The following RNF13 variants were observed in gnomAD, a reference collection of about 807,000 sequenced individuals.
RNF13 encodes the protein E3 ubiquitin-protein ligase RNF13.
A neutral mutation model predicts 37.7 loss-of-function variants in RNF13; 19 were observed. That is an observed-to-expected ratio of 0.50 (90% confidence interval 0.35 to 0.74). RNF13 has a LOEUF of 0.74. RNF13 is among the 30% of genes least tolerant of loss of function. The probability of loss-of-function intolerance (pLI) is 0.01; values close to 1 mark genes in which losing one functional copy is unlikely to be tolerated. For missense variants in RNF13, 375 were observed against 453.0 expected (o/e 0.83, Z 1.56); for synonymous variants, 144 against 157.8 (o/e 0.91, Z 0.65).
Position 149,960,921 on chromosome 3 carries a change from G to A in RNF13, c.963G>A (p.Gln321=), listed in dbSNP as rs534190355. ...LLRPLASVSA[Q]SFGALSESRS... ...GACCTTTAGCTTCTGTCAGTGCCCA[G>A]TCATTTGGGGCTTTATCGGAATCCC... Residue 321 remains glutamine (Q), a synonymous_variant, in exon 10 of 10, where the codon CAG becomes CAA. Coordinates refer to ENST00000392894, the MANE Select transcript of RNF13 (RefSeq NM_183381.3). The A allele has an allele frequency of 6.2e-7, 1 of 1,614,190 alleles. No homozygotes were observed. Among genetic ancestry groups the A allele is most frequent in the African/African-American group, 1.3e-5 (1 of 75,064 alleles).
chr3:149,911,870 T>C (rs1576525617), intron 6 of RNF13, 108 bp from the exon 7 acceptor site: 5 of 660,800 alleles, frequency 7.6e-6, no homozygotes, highest in Non-Finnish European at 1.3e-5. Context: ...GTGGATTTAA[T>C]TGTAATGTCT....
chr3:149,895,518 A>G lies in RNF13; in HGVS notation c.367A>G (p.Asn123Asp), dbSNP rs777229366. Residue 123 changes from asparagine to aspartate, a missense_variant, in exon 5 of 10, where the codon AAT (asparagine) becomes GAT (aspartate). Asn to Asp is a conservative substitution (Grantham distance 23, BLOSUM62 1). Coordinates refer to ENST00000392894, the MANE Select transcript of RNF13 (RefSeq NM_183381.3). ...AGGATACAAGGCAGCCATAGTTCACAATGTTGATTCTGATGACCTCATTAG... is the reference window on the plus strand; with the variant it reads ...AGGATACAAGGCAGCCATAGTTCACGATGTTGATTCTGATGACCTCATTAG... ...RAGYKAAIVH[N>D]VDSDDLISMG... The G allele has an allele frequency of 1.9e-6, 3 of 1,609,500 alleles. No individual in the cohort carries two copies. The highest frequency in any genetic ancestry group is 1.7e-6 in the Non-Finnish European group (2 of 1,177,862).
At chr3:149,899,256 G>A (rs1337389453) in intron 5 of RNF13, among the ~76,000 whole-genome samples, 1 of 152,136 alleles carries the variant, frequency 6.6e-6, no homozygotes, top group East Asian at 1.9e-4. Flanking sequence ...GACCAACCTT[G>A]GCAACATTGT....
intron 8 of RNF13, among the ~76,000 whole-genome samples, chr3:149,958,978 A>T (rs1383660986): frequency 6.6e-6 from 1 of 152,226 alleles, no homozygotes; most frequent in East Asian, 1.9e-4. Flanking sequence ...TTGTTTCAGA[A>T]GAACTATCAG....
At chr3:149,898,135 C>T (rs9870424) in intron 5 of RNF13, among the ~76,000 whole-genome samples, 2 of 151,898 alleles carry the variant, frequency 1.3e-5, no homozygotes, top group Non-Finnish European at 2.9e-5. Context: ...ATTATTTGAC[C>T]TGACAAATTT....
In RNF13 at chr3:149,876,771, C is replaced by CTTTT. The variant is rs768071913; in HGVS notation, c.321+4638_321+4641dup. ...TTCTTCAAGGTAGAAGTCATCATAT[C>CTTTT]TTTTTTTTTTTTTTTTTTTTTTTTG... On this transcript the variant is annotated intron_variant, in intron 4 of 9. Transcript: ENST00000392894. Among the ~76,000 whole-genome samples, 77 of 82,508 alleles carry CTTTT rather than the reference C, an allele frequency of 9.3e-4. 1 individual carries two copies. The highest frequency in any genetic ancestry group is 1.8e-3 in the African/African-American group (36 of 19,804). 54.1% of individuals were successfully genotyped at this position (82,508 alleles called of 152,430 possible). A position where few individuals can be genotyped will look rare whatever the true frequency, so the allele number is the denominator to read the frequency against.
chr3:149,876,859 A>G (rs1712769565), intron 4 of RNF13, among the ~76,000 whole-genome samples: 1 of 146,354 alleles, frequency 6.8e-6, no homozygotes, highest in Non-Finnish European at 1.5e-5. Flanking sequence ...GCTCACTGCA[A>G]CCTCTGCCTC....
intron 8 of RNF13, among the ~76,000 whole-genome samples, chr3:149,931,261 G>T (rs1719135646): frequency 1.3e-5 from 2 of 151,962 alleles, no homozygotes; most frequent in South Asian, 2.1e-4. Context: ...TAGAGACAGG[G>T]TCTCACTATG....
chr3:149,834,836 T>G (rs1199110418), intron 1 of RNF13, among the ~76,000 whole-genome samples: 1 of 152,214 alleles, frequency 6.6e-6, no homozygotes, highest in Non-Finnish European at 1.5e-5. Flanking sequence ...CCTCTTTTCT[T>G]TATAAATTAC....
At chr3:149,872,467 C>G (rs1032273764) in intron 4 of RNF13, among the ~76,000 whole-genome samples, 12 of 152,166 alleles carry the variant, frequency 7.9e-5, no homozygotes, top group African/African-American at 2.9e-4. Flanking sequence ...ATACCTGTGT[C>G]TACATTGTCA....
At chr3:149,906,698 G>T (rs1038941794) in intron 6 of RNF13, among the ~76,000 whole-genome samples, 1 of 130,648 alleles carries the variant, frequency 7.7e-6, no homozygotes, top group Admixed American at 9.0e-5. Flanking sequence ...CTCCAGTTGC[G>T]CAGGCTGGAG....
At chr3:149,891,705 T>C (rs532110763) in intron 4 of RNF13, among the ~76,000 whole-genome samples, 1 of 152,310 alleles carries the variant, frequency 6.6e-6, no homozygotes, top group African/African-American at 2.4e-5. Flanking sequence ...TAGTTTTCAG[T>C]TTTGGTGGCT....
chr3:149,849,242 A>G lies in RNF13; in HGVS notation c.114+3102A>G, dbSNP rs367620752. Among the ~76,000 whole-genome samples the G allele has an allele frequency of 5.3e-5, 8 of 152,356 alleles. No individual in the cohort carries two copies. In the East Asian group the frequency reaches 9.6e-4, roughly 18 times the overall value. On this transcript the variant is annotated intron_variant, in intron 2 of 9. Transcript: ENST00000392894. ...GACATGTTAGTTTTGAGTAGTGCCC[A>G]TGATTTTACTGAGAAGTAACATCCA...
chr3:149,815,920 T>G (rs534940976), intron 1 of RNF13, among the ~76,000 whole-genome samples: 2 of 152,214 alleles, frequency 1.3e-5, no homozygotes, highest in East Asian at 1.9e-4. Flanking sequence ...TATTTTTTTT[T>G]GGGACAGGGT....
chr3:149,922,585 C>T lies in RNF13; in HGVS notation c.700+1358C>T, dbSNP rs1718255435. Among the ~76,000 whole-genome samples, 3 of 152,156 alleles carry T rather than the reference C, an allele frequency of 2.0e-5. No individual in the cohort carries two copies. In the South Asian group the frequency reaches 6.2e-4, roughly 32 times the overall value. ...GTGAACTACTCTCACTTACCTTCCTCCTATTCTGTCTCCCACAATATAACA... is the reference window on the plus strand; with the variant it reads ...GTGAACTACTCTCACTTACCTTCCTTCTATTCTGTCTCCCACAATATAACA... On this transcript the variant is annotated intron_variant, in intron 8 of 9. Coordinates refer to ENST00000392894, the MANE Select transcript of RNF13 (RefSeq NM_183381.3).
chr3:149,891,134 A>G (rs189374267), intron 4 of RNF13, among the ~76,000 whole-genome samples: 1 of 152,312 alleles, frequency 6.6e-6, no homozygotes, highest in East Asian at 1.9e-4. Flanking sequence ...CTAACCTGAC[A>G]AAGCAGTGTT....
At chr3:149,861,229 G>A (rs1383270275) in intron 3 of RNF13, among the ~76,000 whole-genome samples, 2 of 151,778 alleles carry the variant, frequency 1.3e-5, no homozygotes, top group Admixed American at 1.3e-4. Context: ...TTAAAAGGGG[G>A]TGGGGGAGAA....
intron 1 of RNF13, among the ~76,000 whole-genome samples, chr3:149,825,689 C>G (rs1475430940): frequency 1.3e-5 from 2 of 152,220 alleles, no homozygotes; most frequent in Admixed American, 6.5e-5. Flanking sequence ...GCCTCAGGCT[C>G]TCTTCCAAGT....
intron 4 of RNF13, among the ~76,000 whole-genome samples, chr3:149,877,684 C>G (rs1204723924): frequency 1.3e-5 from 2 of 151,864 alleles, no homozygotes; most frequent in Non-Finnish European, 2.9e-5. Flanking sequence ...TGCAAATTAC[C>G]TGAAAGTCAT....
Sources: allele counts gnomAD v4.1 joint callset (sites outside exome capture counted in the v4.1 genomes callset), GRCh38; gene constraint gnomAD v4.1.1; transcripts MANE v1.5; gene names NCBI Gene and HGNC (gene_info 2026-07-23, HGNC 2026-07-21).